CYP17A1: variants seen among roughly 807,000 people sequenced by gnomAD.
CYP17A1 encodes the protein cytochrome P450 family 17 subfamily A member 1, also known as steroid 17-alpha-hydroxylase/17,20 lyase.
In CYP17A1, 27 loss-of-function variants were observed where a neutral mutation model predicts 38.5. That is an observed-to-expected ratio of 0.70 (90% CI 0.52 to 0.97). The LOEUF (loss-of-function observed/expected upper bound fraction) is 0.97, where lower values mean the gene tolerates loss of function less well. CYP17A1 is among the 50% of genes least tolerant of loss of function. The pLI, the probability that CYP17A1 is intolerant of heterozygous loss-of-function variation, is 0.00. For synonymous variants in CYP17A1, 263 were observed against 253.3 expected, an observed-to-expected ratio of 1.04 and a Z score of -0.36; for missense variants, 549 against 645.9, an observed-to-expected ratio of 0.85 and a Z score of 1.63.
chr10:102,834,581 G>A, intron 3 of CYP17A1: 1 of 673,002 alleles, frequency 1.5e-6, no homozygotes, highest in Non-Finnish European at 2.6e-6. Flanking sequence ...ATTATCTGGA[G>A]TACTAAGGTG....
chr10:102,833,199 G>A lies in CYP17A1; in HGVS notation c.763C>T (p.Arg255Trp), dbSNP rs774670296. The change falls in exon 5 of 8, where the codon CGG (arginine) becomes TGG (tryptophan). Residue 255 changes from arginine (R) to tryptophan (W), a missense_variant. Arg to Trp is a moderately radical substitution (Grantham distance 101). Transcript: ENST00000369887. ...AGCATGTTGGTGATAGAGTCACTCC[G>A]GAATTTCTCCTGGGTTGGGTGAGGT... Reference protein sequence around the residue: ...KILENYKEKFRSDSITNMLDT... With the variant: ...KILENYKEKFWSDSITNMLDT... 3.7e-6 allele frequency: 6 copies of A among 1,614,098 alleles called. No individual in the cohort carries two copies. Among genetic ancestry groups the A allele is most frequent in the East Asian group, 4.5e-5 (2 of 44,882 alleles).
At chr10:102,832,438 G>A (rs1844102901) in intron 6 of CYP17A1, 73 bp downstream of exon 6, 6 of 999,680 alleles carry the variant, frequency 6.0e-6, no homozygotes, top group East Asian at 2.4e-5. Flanking sequence ...CCGGGGGTAG[G>A]GGGAGCCAGG....
In CYP17A1 at chr10:102,835,157, G is replaced by A. The variant is rs1590204040; in HGVS notation, c.436+97C>T. ...AGTAGCCAAGAAAAGGCTGCATTGC[G>A]CTCTAGTCCTAACCCTTACCCCTGC... is the stretch of plus-strand genomic sequence containing the variant. On this transcript the variant is annotated intron_variant, in intron 2 of 7. Coordinates refer to ENST00000369887, the MANE Select transcript of CYP17A1 (RefSeq NM_000102.4). 12 of 1,213,226 alleles carry A rather than the reference G, an allele frequency of 9.9e-6. No homozygotes were observed. Among genetic ancestry groups the A allele is most frequent in the African/African-American group, 3.0e-5 (2 of 67,220 alleles). 75.2% of individuals were successfully genotyped at this position (1,213,226 alleles called of 1,614,324 possible). A position where few individuals can be genotyped will look rare whatever the true frequency, so the allele number is the denominator to read the frequency against.
chr10:102,837,376 G>C lies in CYP17A1; in HGVS notation c.-15C>G. The stretch of plus-strand genomic sequence containing the variant: ...AGCTCCCACATGGTGGCTGGGTGCC[G>C]GCAGGCAAGATAGACAGCAGTGGAG... On this transcript the variant is annotated 5_prime_UTR_variant, in exon 1 of 8. Coordinates refer to ENST00000369887, the MANE Select transcript of CYP17A1 (RefSeq NM_000102.4). The C allele has an allele frequency of 1.3e-6, 2 of 1,580,842 alleles. No homozygotes were observed. Among genetic ancestry groups the C allele is most frequent in the Non-Finnish European group, 1.7e-6 (2 of 1,149,988 alleles).
chr10:102,832,573 C>T lies in CYP17A1; in HGVS notation c.1077G>A (p.Glu359=), dbSNP rs758602050. 7 of 1,611,336 alleles carry T rather than the reference C, an allele frequency of 4.3e-6. No individual in the cohort carries two copies. Reference sequence around the variant, plus strand: ...GGGCCACGGGCCTGAGGCGAAGCACCTCTCGGATGGTGGCCTCCAGCAGGA... The same window carrying T: ...GGGCCACGGGCCTGAGGCGAAGCACTTCTCGGATGGTGGCCTCCAGCAGGA... The part of the protein sequence containing the change: ...RLLLLEATIR[E]VLRLRPVAPM... Residue 359 remains glutamate (E), a synonymous_variant, in exon 6 of 8, where the codon GAG becomes GAA. Transcript: ENST00000369887.
chr10:102,836,899 C>T, intron 1 of CYP17A1, 166 bp downstream of exon 1: 1 of 672,474 alleles, frequency 1.5e-6, no homozygotes, highest in South Asian at 1.6e-5. Context: ...AATTTAGAGG[C>T]TGGGTGGGGG....
At position 102,831,130 on chromosome 10, in the gene CYP17A1, G is replaced by T. The variant is rs1176437395; in HGVS notation, c.1244-145C>A. 8.3e-6 allele frequency: 6 copies of T among 720,838 alleles called. No homozygotes were observed. The Admixed American group carries it at 1.2e-4, about 15-fold the overall frequency. The allele number at this position is 720,838 out of a possible 1,614,324, so 44.7% of individuals were successfully genotyped here. A position where few individuals can be genotyped will look rare whatever the true frequency, so the allele number is the denominator to read the frequency against. On this transcript the variant is annotated intron_variant, in intron 7 of 7. Transcript: ENST00000369887. ...CTTATTATGGGGGAACCCCCGCCTG[G>T]GGAGAGATACAGCCCTGCTTTCAGG... is the stretch of plus-strand genomic sequence containing the variant.
intron 5 of CYP17A1, 79 bp from the exon 6 acceptor site, chr10:102,832,759 T>A (rs1844107845): frequency 1.6e-6 from 2 of 1,254,144 alleles, no homozygotes; most frequent in African/African-American, 2.9e-5. Context: ...AATCCAACTG[T>A]GACATCGAGA....
chr10:102,835,175 AC>A (rs1445750227), intron 2 of CYP17A1, 78 bp downstream of exon 2: 1 of 1,349,090 alleles, frequency 7.4e-7, no homozygotes, highest in African/African-American at 1.4e-5. Context: ...CCTAACCCTT[AC>A]CCCTGCCCAA....
chr10:102,831,747 C>T (rs1448488526), intron 6 of CYP17A1, 136 bp from the exon 7 acceptor site: 6 of 1,472,884 alleles, frequency 4.1e-6, no homozygotes, highest in East Asian at 4.9e-5. Flanking sequence ...ATGTTTTCCT[C>T]AGCTTCTGCC....
In CYP17A1 at chr10:102,834,056, T is replaced by C; in HGVS notation, c.733A>G (p.Lys245Glu). The C allele has an allele frequency of 8.1e-7, 1 of 1,235,514 alleles. No individual in the cohort carries two copies. Among genetic ancestry groups the C allele is most frequent in the South Asian group, 1.2e-5 (1 of 83,524 alleles). 76.5% of individuals were successfully genotyped at this position (1,235,514 alleles called of 1,614,324 possible). Residue 245 changes from lysine (K) to glutamate (E), a missense_variant, in exon 4 of 8, where the codon AAA becomes GAA. By Grantham distance (56) the Lys-to-Glu change is moderately conservative. This residue lies in a region of CYP17A1 where 289 missense variants were observed against 320.9 expected (regional missense o/e 0.90). Transcript: ENST00000369887. ...CCTACCTTGTAATTTTCAAGTATTT[T>C]ATTCAGCAGATCATTTCGTATTTTA... is the stretch of plus-strand genomic sequence containing the variant. ...HVKIRNDLLN[K>E]ILENYKEKFR... is the part of the protein sequence containing the mutation.
At chr10:102,834,364 A>G (rs979764198) in intron 3 of CYP17A1, 2 of 565,736 alleles carry the variant, frequency 3.5e-6, no homozygotes, top group African/African-American at 3.8e-5. Flanking sequence ...TCAATCAAAC[A>G]TCAAGCGCTG....
At position 102,832,492 on chromosome 10, in the gene CYP17A1, A is replaced by T; in HGVS notation, c.1139+19T>A. The T allele has an allele frequency of 6.4e-7, 1 of 1,554,918 alleles. No individual in the cohort carries two copies. Among genetic ancestry groups the T allele is most frequent in the Non-Finnish European group, 8.9e-7 (1 of 1,126,268 alleles). On this transcript the variant is annotated intron_variant, in intron 6 of 7. Coordinates refer to ENST00000369887, the MANE Select transcript of CYP17A1 (RefSeq NM_000102.4). ...TGAATGCATCATGGGGCTAGATGTC[A>T]CTGGGAGGGCAGGCACACCTGGAGT... is the stretch of plus-strand genomic sequence containing the variant.
chr10:102,832,452 G>C, intron 6 of CYP17A1, 59 bp downstream of exon 6: 1 of 1,132,604 alleles, frequency 8.8e-7, no homozygotes, highest in Non-Finnish European at 1.3e-6. Context: ...AGCCAGGTGG[G>C]CTGGCAAGCA....
chr10:102,837,328 G>C lies in CYP17A1; in HGVS notation c.34C>G (p.Leu12Val), dbSNP rs1844178175. Residue 12 changes from leucine (L) to valine (V), a missense_variant, in exon 1 of 8, where the codon CTA (leucine) becomes GTA (valine). Leu to Val is a conservative substitution (Grantham distance 32, BLOSUM62 1). This residue lies in a region of CYP17A1 where 289 missense variants were observed against 320.9 expected (regional missense o/e 0.90). Transcript: ENST00000369887. ...CTCTTGGGCCAAAACAAATAAGCTA[G>C]GGTAAGCAGCAAGAGAGCCACGAGC... ...WELVALLLLT[L>V]AYLFWPKRRC... is the part of the protein sequence containing the mutation. The C allele has an allele frequency of 1.2e-6, 2 of 1,612,938 alleles. No homozygotes were observed. The highest frequency in any genetic ancestry group is 2.7e-5 in the African/African-American group (2 of 75,036).
chr10:102,836,974 G>A, intron 1 of CYP17A1, 91 bp downstream of exon 1: 1 of 815,302 alleles, frequency 1.2e-6, no homozygotes, highest in Non-Finnish European at 2.2e-6. Context: ...CAGGTTGTTG[G>A]AGCTGGAAGC....
chr10:102,832,596 G>T lies in CYP17A1; in HGVS notation c.1054C>A (p.Leu352Met). ...ACCTCTCGGATGGTGGCCTCCAGCAGGAGGAGACGGTTACGGTCACTGATA... is the reference window on the plus strand; with the variant it reads ...ACCTCTCGGATGGTGGCCTCCAGCATGAGGAGACGGTTACGGTCACTGATA... The part of the protein sequence containing the change: ...PTISDRNRLL[L>M]LEATIREVLR... The change falls in exon 6 of 8, where the codon CTG (leucine) becomes ATG (methionine). Residue 352 changes from leucine (L) to methionine (M), a missense_variant. Around this residue, in one of 3 missense-constraint regions of CYP17A1, gnomAD observed 257 missense variants for 307.9 expected, o/e 0.83. Transcript: ENST00000369887. 1 of 1,606,566 alleles carries T rather than the reference G, an allele frequency of 6.2e-7. No homozygotes were observed. Among genetic ancestry groups the T allele is most frequent in the Non-Finnish European group, 8.5e-7 (1 of 1,173,030 alleles).
At chr10:102,835,208 T>C (rs767372790) in intron 2 of CYP17A1, 46 bp downstream of exon 2, 18 of 1,559,200 alleles carry the variant, frequency 1.2e-5, no homozygotes, top group Admixed American at 1.7e-5. Context: ...CTCCAGCAGC[T>C]CCTGTGGGAT....
chr10:102,831,075 GC>G, intron 7 of CYP17A1, 90 bp from the exon 8 acceptor site: 2 of 870,660 alleles, frequency 2.3e-6, no homozygotes, highest in Non-Finnish European at 3.7e-6. Flanking sequence ...ACATGGCCCT[GC>G]CCAGGGAACC....
Sources: allele counts gnomAD v4.1 joint callset, GRCh38; gene constraint gnomAD v4.1.1; regional missense constraint gnomAD v4.1.1; transcripts MANE v1.5; gene names NCBI Gene and HGNC (gene_info 2026-07-23, HGNC 2026-07-21).